DMKN: variants seen among roughly 807,000 people sequenced by gnomAD.
The protein encoded by DMKN is epidermis-specific secreted protein SK30/SK89.
A neutral mutation model predicts 67.6 loss-of-function variants in DMKN; 58 were observed. The observed-to-expected ratio is 0.86, with a 90% CI of 0.69 to 1.07. DMKN has a LOEUF of 1.07. Among genes scored for constraint, DMKN ranks in the 50% least tolerant of loss-of-function variants. DMKN has a pLI of 0.00. For missense variants in DMKN, 596 were observed against 601.5 expected (o/e 0.99, Z 0.10); for synonymous variants, 240 against 232.3 (o/e 1.03, Z -0.30).
chr19:35,511,143 C>T lies in DMKN; in HGVS notation c.918+268G>A, dbSNP rs551891192. On this transcript the variant is annotated intron_variant, in intron 5 of 15. Transcript: ENST00000339686. Reference sequence around the variant, plus strand: ...ACTTGACTGCAAGAGCTTAGACAGGCGGGATAACGTCCCCACCATCACAGA... The same window carrying T: ...ACTTGACTGCAAGAGCTTAGACAGGTGGGATAACGTCCCCACCATCACAGA... 5.9e-5 allele frequency among the ~76,000 whole-genome samples: 9 copies of T among 152,278 alleles called. No individual in the cohort carries two copies. In the East Asian group the frequency reaches 1.7e-3, roughly 29 times the overall value.
intron 15 of DMKN, 200 bp downstream of exon 15, chr19:35,498,516 A>C (rs1445270673): frequency 1.4e-6 from 1 of 697,198 alleles, no homozygotes; most frequent in Admixed American, 2.9e-5. Flanking sequence ...GCCCTAGATC[A>C]CTTTATTATG....
intron 11 of DMKN, among the ~76,000 whole-genome samples, chr19:35,500,896 C>T (rs2293697): frequency 0.22 from 33,695 of 152,116 alleles, 4,084 homozygotes; most frequent in East Asian, 0.45. Context: ...GACGCAGGCA[C>T]TGCAGCCCAG....
rs1050118369 is a variant in DMKN at position 35,502,155 on chromosome 19, T to C, written c.1220A>G (p.Asn407Ser). ...CCTTACCTCAATAATTGCTTTCCAGTTGAGGAAAGGAGTGTTCTGTTTGAA... is the reference window on the plus strand; with the variant it reads ...CCTTACCTCAATAATTGCTTTCCAGCTGAGGAAAGGAGTGTTCTGTTTGAA... The part of the protein sequence containing the change: ...EDFKQNTPFL[N>S]WKAIIEGADA... Residue 407 changes from asparagine to serine, a missense_variant, in exon 11 of 16, where the codon AAC becomes AGC. Coordinates refer to ENST00000339686, the MANE Select transcript of DMKN (RefSeq NM_033317.5). 6.8e-6 allele frequency: 11 copies of C among 1,613,890 alleles called. No individual in the cohort carries two copies. In the African/African-American group the frequency reaches 1.3e-4, roughly 20 times the overall value.
At chr19:35,499,906 C>A in intron 13 of DMKN, 52 bp downstream of exon 13, 1 of 1,598,044 alleles carries the variant, frequency 6.3e-7, no homozygotes, top group Non-Finnish European at 8.6e-7. Context: ...CCTCTCTCCC[C>A]ATCCCTCATG....
chr19:35,508,273 G>A, intron 7 of DMKN: 1 of 1,551,266 alleles, frequency 6.4e-7, no homozygotes, highest in Admixed American at 2.0e-5. Flanking sequence ...ACAGACCCCT[G>A]CTGAAGATCC....
intron 7 of DMKN, chr19:35,507,831 C>T (rs1325563329): frequency 9.2e-6 from 4 of 433,032 alleles, no homozygotes; most frequent in South Asian, 3.6e-5. Flanking sequence ...GCAAAGCATC[C>T]GAATTCTCCC....
rs138902616 is a variant in DMKN at position 35,511,502 on chromosome 19, C to T, written c.827G>A (p.Ser276Asn). ...GCCGCCACTGCTGCCGCCACTGCTG[C>T]TGCCACTGCTGCTGCCACCACTGCT... is the stretch of plus-strand genomic sequence containing the variant. ...GSSSGGSSSG[S>N]SSGGSSGGSS... The change falls in exon 5 of 16, where the codon AGC (serine) becomes AAC (asparagine). Residue 276 changes from serine (S) to asparagine (N), a missense_variant. Ser to Asn is a conservative substitution (Grantham distance 46). Transcript: ENST00000339686. 25 of 1,087,350 alleles carry T rather than the reference C, an allele frequency of 2.3e-5. No homozygotes were observed. The highest frequency in any genetic ancestry group is 3.2e-4 in the Middle Eastern group (1 of 3,086). 67.4% of individuals were successfully genotyped at this position (1,087,350 alleles called of 1,614,324 possible).
intron 15 of DMKN, 45 bp downstream of exon 15, chr19:35,498,671 T>C (rs752827490): frequency 1.6e-5 from 25 of 1,612,258 alleles, no homozygotes; most frequent in Admixed American, 3.3e-5. Flanking sequence ...TGACTGTGCC[T>C]CCACTGCCAG....
chr19:35,501,480 C>T (rs532918478), intron 11 of DMKN, among the ~76,000 whole-genome samples: 1 of 152,370 alleles, frequency 6.6e-6, no homozygotes, highest in South Asian at 2.1e-4. Flanking sequence ...AGCTGGAGCG[C>T]CTCGACCTCC....
intron 7 of DMKN, chr19:35,506,372 G>T (rs2069515507): frequency 3.1e-6 from 2 of 643,690 alleles, no homozygotes; most frequent in Admixed American, 5.1e-5. Context: ...TCTTAGAATG[G>T]ATTGCTCCCA....
intron 9 of DMKN, among the ~76,000 whole-genome samples, chr19:35,504,599 A>G (rs1259967291): frequency 6.6e-6 from 1 of 150,758 alleles, no homozygotes; most frequent in East Asian, 1.9e-4. Flanking sequence ...AAAAAACAAA[A>G]GAAAGAAAGA....
rs140369650 is a variant in DMKN at position 35,509,953 on chromosome 19, C to G, written c.996G>C (p.Lys332Asn). The change falls in exon 7 of 16, where the codon AAG becomes AAC. Residue 332 changes from lysine (K) to asparagine (N), a missense_variant. Transcript: ENST00000339686. Reference sequence around the variant, plus strand: ...CGCTCCCGCGGGCTTCATTCCCTGGCTTTTCACACTGCCGGGGAGAGAAAG... The same window carrying G: ...CGCTCCCGCGGGCTTCATTCCCTGGGTTTTCACACTGCCGGGGAGAGAAAG... ...GGNGHKPGCE[K>N]PGNEARGSGE... 218 of 1,614,188 alleles carry G rather than the reference C, an allele frequency of 1.4e-4. No homozygotes were observed. Among genetic ancestry groups the G allele is most frequent in the Admixed American group, 1.8e-4 (11 of 60,030 alleles).
intron 11 of DMKN, among the ~76,000 whole-genome samples, chr19:35,500,984 A>G (rs2068255362): frequency 6.6e-6 from 1 of 152,198 alleles, no homozygotes; most frequent in South Asian, 2.1e-4. Flanking sequence ...CATGCCCCAC[A>G]GGGTGCTTGA....
chr19:35,498,990 C>T, intron 13 of DMKN, 93 bp from the exon 14 acceptor site: 2 of 1,585,534 alleles, frequency 1.3e-6, no homozygotes, highest in Admixed American at 1.7e-5. Flanking sequence ...GCAGCAAGGG[C>T]AGGCTCACAC....
chr19:35,508,435 G>C, intron 7 of DMKN: 1 of 578,102 alleles, frequency 1.7e-6, no homozygotes, highest in Non-Finnish European at 3.0e-6. Flanking sequence ...AAAGATAAAT[G>C]GTAAGTGAAG....
chr19:35,511,550 T>TGC lies in DMKN; in HGVS notation c.778_779insGC (p.Asn260SerfsTer118). Reference sequence around the variant, plus strand: ...GCTGCTGCCATTGTTGTTGTCACCATTGCTGCCACTGCCACTGCTGCCCGA... The same window carrying TGC: ...GCTGCTGCCATTGTTGTTGTCACCATGCTGCTGCCACTGCCACTGCTGCCCGA... On this transcript the variant is annotated frameshift_variant, in exon 5 of 16. Transcript: ENST00000339686. LOFTEE classifies it high-confidence loss of function. 1 of 1,584,908 alleles carries TGC rather than the reference T, an allele frequency of 6.3e-7. No homozygotes were observed. The highest frequency in any genetic ancestry group is 8.6e-7 in the Non-Finnish European group (1 of 1,168,732).
At chr19:35,500,351 C>G in intron 12 of DMKN, 182 bp downstream of exon 12, 1 of 1,549,870 alleles carries the variant, frequency 6.5e-7, no homozygotes, top group East Asian at 2.4e-5. Context: ...AGGACGTAAC[C>G]CAGCGGGTCC....
At chr19:35,506,036 C>T (rs371177331) in intron 7 of DMKN, 50 bp from the exon 8 acceptor site, 79 of 1,613,724 alleles carry the variant, frequency 4.9e-5, no homozygotes, top group Non-Finnish European at 6.4e-5. Flanking sequence ...CTTTGTGAGC[C>T]AGAGTCGGGA....
intron 7 of DMKN, chr19:35,506,335 C>T (rs1234645170): frequency 1.3e-6 from 1 of 767,710 alleles, no homozygotes; most frequent in East Asian, 2.7e-5. Flanking sequence ...CCTTACACAG[C>T]ACCAAAAAGT....
Sources: gnomAD v4.1 joint callset for allele counts (sites outside exome capture counted in the v4.1 genomes callset) on GRCh38, gnomAD v4.1.1 for gene constraint, MANE v1.5 for transcripts, NCBI Gene and HGNC (gene_info 2026-07-23, HGNC 2026-07-21) for gene names.